CDK5RAP2: variants seen among roughly 807,000 people sequenced by gnomAD.
The protein encoded by CDK5RAP2 is CDK5 regulatory subunit associated protein 2.
In CDK5RAP2, 147 loss-of-function variants were observed where a neutral mutation model predicts 232.9. The observed-to-expected ratio is 0.63, with a 90% CI of 0.55 to 0.72. CDK5RAP2 has a LOEUF of 0.72. Ranked by LOEUF, CDK5RAP2 falls within the 30% of genes least tolerant of loss-of-function variation. The pLI is 0.00. For missense variants in CDK5RAP2, 2,195 were observed against 2,231.5 expected (o/e 0.98, Z 0.33); for synonymous variants, 833 against 833.7 (o/e 1.00, Z 0.01).
intron 4 of CDK5RAP2, among the ~76,000 whole-genome samples, chr9:120,549,829 ACT>A (rs2041986297): frequency 6.6e-6 from 1 of 152,172 alleles, no homozygotes; most frequent in Admixed American, 6.5e-5. Context: ...GGACATCCTC[ACT>A]GTCTTTCCAC....
At chr9:120,527,980 C>T in intron 9 of CDK5RAP2, 55 bp from the exon 10 acceptor site, 1 of 1,602,118 alleles carries the variant, frequency 6.2e-7, no homozygotes, top group Admixed American at 1.7e-5. Context: ...CCAAAATGCA[C>T]CATAAATATA....
In CDK5RAP2 at chr9:120,403,886, T is replaced by C; in HGVS notation, c.5041+150A>G. 1 of 688,606 alleles carries C rather than the reference T, an allele frequency of 1.5e-6. No individual in the cohort carries two copies. The highest frequency in any genetic ancestry group is 1.6e-5 in the South Asian group (1 of 64,056). The allele number at this position is 688,606 out of a possible 1,614,324, so 42.7% of individuals were successfully genotyped here. A position where few individuals can be genotyped will look rare whatever the true frequency, so the allele number is the denominator to read the frequency against. On this transcript the variant is annotated intron_variant, in intron 33 of 37. Coordinates refer to ENST00000349780, the MANE Select transcript of CDK5RAP2 (RefSeq NM_018249.6). This position sits in a 1 kb window ranked among gnomAD's most constrained non-coding sequence, Gnocchi z 4.2. ...GGATTAACTGGCTTGAAGGAGAAGA[T>C]CACCAGCTGGGGATGCTGAGAACTT...
chr9:120,394,990 T>G (rs2032334092), intron 35 of CDK5RAP2, among the ~76,000 whole-genome samples: 1 of 152,242 alleles, frequency 6.6e-6, no homozygotes, highest in South Asian at 2.1e-4. Flanking sequence ...AAGATGCCTA[T>G]GTACAAGGAT....
chr9:120,529,538 C>T (rs1478877873), intron 8 of CDK5RAP2, among the ~76,000 whole-genome samples: 2 of 152,174 alleles, frequency 1.3e-5, no homozygotes, highest in African/African-American at 4.8e-5. Context: ...TATACTGAAC[C>T]CCTCCCATAC....
At chr9:120,420,045 T>C in intron 26 of CDK5RAP2, 85 bp from the exon 27 acceptor site, 1 of 1,106,116 alleles carries the variant, frequency 9.0e-7, no homozygotes. Context: ...TTACGATTAC[T>C]TTACTCTTAG....
intron 26 of CDK5RAP2, 21 bp downstream of exon 26, chr9:120,422,672 T>C (rs377145668): frequency 1.9e-5 from 31 of 1,599,414 alleles, no homozygotes; most frequent in East Asian, 1.8e-4. Flanking sequence ...GAAGTCTTCT[T>C]AACAAATGTT....
intron 21 of CDK5RAP2, among the ~76,000 whole-genome samples, chr9:120,450,235 A>C (rs1044509560): frequency 6.6e-6 from 1 of 152,228 alleles, no homozygotes; most frequent in Non-Finnish European, 1.5e-5. Context: ...CAGTATGCTA[A>C]GTGGAAGAAG....
At chr9:120,524,663 CAAG>C (rs960550902) in intron 11 of CDK5RAP2, among the ~76,000 whole-genome samples, 3 of 151,642 alleles carry the variant, frequency 2.0e-5, no homozygotes, top group African/African-American at 7.3e-5. Context: ...TTTAAAAACA[CAAG>C]AGGGATGATG....
In CDK5RAP2 at chr9:120,527,932, T is replaced by C. The variant is rs76132121; in HGVS notation, c.880-7A>G. The C allele has an allele frequency of 2.3e-3, 3,767 of 1,613,646 alleles. 87 individuals are homozygous for C. The African/African-American group carries it at 0.043, about 18-fold the overall frequency. ...TCAGGTCCTCTTCAAGTGCCTAAAT[T>C]AGATTAGAAAAAGATTCACTAAGTT... is the stretch of plus-strand genomic sequence containing the variant. On this transcript the variant is annotated splice_region_variant and splice_polypyrimidine_tract_variant and intron_variant, in intron 9 of 37. Transcript: ENST00000349780.
intron 21 of CDK5RAP2, among the ~76,000 whole-genome samples, chr9:120,449,245 A>G (rs1408660072): frequency 2.6e-5 from 4 of 151,920 alleles, no homozygotes; most frequent in Non-Finnish European, 5.9e-5. Context: ...TCCCCGACTA[A>G]CTCTAAATAG....
At chr9:120,516,449 T>C (rs545483844) in intron 12 of CDK5RAP2, among the ~76,000 whole-genome samples, 9 of 151,868 alleles carry the variant, frequency 5.9e-5, no homozygotes, top group Admixed American at 2.0e-4. Context: ...TACACCAACA[T>C]GGCACATGTA....
chr9:120,389,569 C>A (rs542220918), intron 37 of CDK5RAP2, among the ~76,000 whole-genome samples, 172 bp downstream of exon 37: 3 of 152,180 alleles, frequency 2.0e-5, no homozygotes, highest in African/African-American at 7.2e-5. Flanking sequence ...CCCCTACTGG[C>A]GACAGGGCAT....
intron 1 of CDK5RAP2, among the ~76,000 whole-genome samples, chr9:120,574,442 C>G (rs1353953682): frequency 6.6e-6 from 1 of 152,214 alleles, no homozygotes; most frequent in East Asian, 1.9e-4. Context: ...GATGAGAAGA[C>G]TGAAACCCAG....
Position 120,530,156 on chromosome 9 carries a change from A to C in CDK5RAP2, c.663-16T>G. On this transcript the variant is annotated splice_polypyrimidine_tract_variant and intron_variant, in intron 7 of 37. Transcript: ENST00000349780. The stretch of plus-strand genomic sequence containing the variant: ...CTCAATCAGTCTAAAAGAGAACAAA[A>C]TTTAAATATTAATTCTAAGCTGTTC... The C allele has an allele frequency of 6.2e-7, 1 of 1,602,196 alleles. No individual in the cohort carries two copies. Among genetic ancestry groups the C allele is most frequent in the South Asian group, 1.1e-5 (1 of 90,866 alleles).
At chr9:120,523,534 G>A (rs942808439) in intron 11 of CDK5RAP2, among the ~76,000 whole-genome samples, 3 of 152,200 alleles carry the variant, frequency 2.0e-5, no homozygotes, top group African/African-American at 7.2e-5. Flanking sequence ...ATTTGTCTAT[G>A]TTCCTAGCGT....
At chr9:120,420,097 C>G (rs2034478133) in intron 26 of CDK5RAP2, 137 bp from the exon 27 acceptor site, 1 of 727,332 alleles carries the variant, frequency 1.4e-6, no homozygotes, top group Non-Finnish European at 2.4e-6. Context: ...CCTTTTATTT[C>G]CCTACAGCAT....
intron 22 of CDK5RAP2, among the ~76,000 whole-genome samples, chr9:120,444,200 G>A (rs756429346): frequency 1.3e-4 from 20 of 152,356 alleles, no homozygotes; most frequent in Admixed American, 2.6e-4. Flanking sequence ...GGCCACTTGA[G>A]GCCAGGAGTT....
At chr9:120,552,592 G>A (rs2042083769) in intron 3 of CDK5RAP2, among the ~76,000 whole-genome samples, 1 of 149,596 alleles carries the variant, frequency 6.7e-6, no homozygotes, top group Non-Finnish European at 1.5e-5. Context: ...CTATCGCAAG[G>A]ATAAAAAACC....
intron 29 of CDK5RAP2, among the ~76,000 whole-genome samples, chr9:120,410,006 C>T (rs1482607951): frequency 1.3e-5 from 2 of 152,144 alleles, no homozygotes; most frequent in Non-Finnish European, 1.5e-5. Flanking sequence ...GACGAGTTCC[C>T]AGCAGTGCTG....
Sources: allele counts gnomAD v4.1 joint callset (sites outside exome capture counted in the v4.1 genomes callset), GRCh38; gene constraint gnomAD v4.1.1; non-coding constraint Gnocchi (gnomAD v3.1); transcripts MANE v1.5; gene names NCBI Gene and HGNC (gene_info 2026-07-23, HGNC 2026-07-21).